Variants in ZBTB20 observed in about 807,000 individuals in gnomAD.
ZBTB20 encodes the protein zinc finger and BTB domain containing 20.
ZBTB20 carries 9 observed loss-of-function variants against 56.9 expected under a neutral mutation model. That is an observed-to-expected ratio of 0.16 (90% CI 0.10 to 0.28). ZBTB20 has a LOEUF of 0.28. Among genes scored for constraint, ZBTB20 ranks in the 10% least tolerant of loss-of-function variants. The pLI is 1.00. For synonymous variants in ZBTB20, 417 were observed against 420.7 expected, an observed-to-expected ratio of 0.99 and a Z score of 0.11; for missense variants, 655 against 1,003.0, an observed-to-expected ratio of 0.65 and a Z score of 4.69.
At chr3:114,509,798 A>C (rs547854512) in intron 6 of ZBTB20, among the ~76,000 whole-genome samples, 4 of 152,254 alleles carry the variant, frequency 2.6e-5, no homozygotes, top group African/African-American at 7.2e-5. Context: ...CCTTGTCAGC[A>C]TATGCTCCAG....
intron 4 of ZBTB20, among the ~76,000 whole-genome samples, chr3:114,899,134 T>G (rs958433144): frequency 6.6e-6 from 1 of 152,192 alleles, no homozygotes; most frequent in Non-Finnish European, 1.5e-5. Context: ...AATTAAAGAA[T>G]AATATTCCAT....
At chr3:114,792,854 C>G (rs989454841) in intron 5 of ZBTB20, among the ~76,000 whole-genome samples, 3 of 147,338 alleles carry the variant, frequency 2.0e-5, no homozygotes, top group African/African-American at 7.5e-5. Flanking sequence ...TTTGAATTTT[C>G]AAAGTTTTTC....
At chr3:114,753,362 A>C (rs1368252582) in intron 5 of ZBTB20, among the ~76,000 whole-genome samples, 1 of 78,080 alleles carries the variant, frequency 1.3e-5, no homozygotes, top group African/African-American at 3.9e-5. Context: ...ATTATATATA[A>C]TGTATATATA....
chr3:114,753,959 A>C lies in ZBTB20; in HGVS notation c.-343+47142T>G, dbSNP rs143545492. ...GGAAACAAAGGGGAAAGGTGTTCCCAAAAGGTTTCCAGGAAAACTTCAATC... is the reference window on the plus strand; with the variant it reads ...GGAAACAAAGGGGAAAGGTGTTCCCCAAAGGTTTCCAGGAAAACTTCAATC... On this transcript the variant is annotated intron_variant, in intron 5 of 11. Coordinates refer to ENST00000675478, the MANE Select transcript of ZBTB20 (RefSeq NM_001348800.3). Among the ~76,000 whole-genome samples, 565 of 152,298 alleles carry C rather than the reference A, an allele frequency of 3.7e-3. 1 individual carries two copies. The highest frequency in any genetic ancestry group is 5.8e-3 in the Non-Finnish European group (397 of 68,010).
chr3:114,886,973 C>T (rs1044249753), intron 4 of ZBTB20, among the ~76,000 whole-genome samples: 1 of 152,112 alleles, frequency 6.6e-6, no homozygotes, highest in Non-Finnish European at 1.5e-5. Flanking sequence ...GCTGGGAAGT[C>T]CAAGGTTGAG....
chr3:114,341,034 A>T (rs2079720383), intron 11 of ZBTB20, among the ~76,000 whole-genome samples: 2 of 152,216 alleles, frequency 1.3e-5, no homozygotes, highest in South Asian at 4.1e-4. Context: ...CTGTATGTTC[A>T]TGATCCATTT....
intron 4 of ZBTB20, among the ~76,000 whole-genome samples, chr3:114,823,742 T>C (rs954734360): frequency 2.6e-5 from 4 of 152,102 alleles, no homozygotes; most frequent in African/African-American, 9.7e-5. Context: ...TTAAGAAATA[T>C]CTGCTGATTT....
rs2078610747 is a variant in ZBTB20 at position 114,314,635 on chromosome 3, A to G, written c.*24370T>C. 3 of 151,930 alleles carry G rather than the reference A, an allele frequency of 2.0e-5. No individual in the cohort carries two copies. Among genetic ancestry groups the G allele is most frequent in the Admixed American group, 6.6e-5 (1 of 15,258 alleles). 9.4% of individuals were successfully genotyped at this position (151,930 alleles called of 1,614,324 possible). ...TAAAAAAAAAACAACAAAAACCCCA[A>G]AAAAACAAACATCATTCTTAGCAAC... On this transcript the variant is annotated 3_prime_UTR_variant, in exon 12 of 12. Coordinates refer to ENST00000675478, the MANE Select transcript of ZBTB20 (RefSeq NM_001348800.3).
intron 4 of ZBTB20, among the ~76,000 whole-genome samples, chr3:114,878,575 TAAAA>T (rs10609736): frequency 4.1e-3 from 567 of 137,592 alleles, no homozygotes; most frequent in Admixed American, 4.3e-3. Flanking sequence ...CTTGGAGAAT[TAAAA>T]AAAAAAAAAA....
At chr3:114,900,125 GAATAA>G (rs1240758737) in intron 4 of ZBTB20, among the ~76,000 whole-genome samples, 174 bp downstream of exon 4, 3 of 151,850 alleles carry the variant, frequency 2.0e-5, no homozygotes, top group Admixed American at 6.6e-5. Flanking sequence ...TCTTACAATA[GAATAA>G]AATAAAATAT....
At chr3:114,816,202 C>T (rs558018112) in intron 4 of ZBTB20, among the ~76,000 whole-genome samples, 22 of 152,200 alleles carry the variant, frequency 1.4e-4, no homozygotes, top group Middle Eastern at 6.8e-3. Flanking sequence ...TTGGTTAATA[C>T]GGAAATACAC....
intron 1 of ZBTB20, among the ~76,000 whole-genome samples, chr3:115,139,459 C>A (rs999989373): frequency 6.6e-6 from 1 of 151,966 alleles, no homozygotes; most frequent in African/African-American, 2.4e-5. Context: ...TCTTTTCTAA[C>A]AGATTCTTTC....
At chr3:114,532,539 G>A (rs937953017) in intron 6 of ZBTB20, among the ~76,000 whole-genome samples, 1 of 152,182 alleles carries the variant, frequency 6.6e-6, no homozygotes, top group East Asian at 1.9e-4. Context: ...GCACCTGGGG[G>A]AAGGGGCAGC....
chr3:114,850,614 C>A (rs2074952304), intron 4 of ZBTB20, among the ~76,000 whole-genome samples: 1 of 152,192 alleles, frequency 6.6e-6, no homozygotes, highest in Admixed American at 6.5e-5. Context: ...CAAGGCCCTG[C>A]ATTATGTAAA....
chr3:115,076,411 T>C (rs970231692), intron 1 of ZBTB20, among the ~76,000 whole-genome samples: 5 of 152,098 alleles, frequency 3.3e-5, no homozygotes, highest in South Asian at 2.1e-4. Flanking sequence ...TACACATAAA[T>C]GGTCAACTAA....
At chr3:115,057,874 A>G (rs933183621) in intron 2 of ZBTB20, among the ~76,000 whole-genome samples, 1 of 152,108 alleles carries the variant, frequency 6.6e-6, no homozygotes, top group Non-Finnish European at 1.5e-5. Context: ...GATATACTCA[A>G]GACTGGGTAA....
At chr3:114,866,285 A>C (rs1272016147) in intron 4 of ZBTB20, among the ~76,000 whole-genome samples, 1 of 152,200 alleles carries the variant, frequency 6.6e-6, no homozygotes, top group East Asian at 1.9e-4. Flanking sequence ...AGATGAAGAA[A>C]CTAAGGTTGA....
intron 2 of ZBTB20, among the ~76,000 whole-genome samples, chr3:115,026,482 T>G (rs1385017853): frequency 6.6e-6 from 1 of 151,040 alleles, no homozygotes; most frequent in Non-Finnish European, 1.5e-5. Context: ...ATAGAGTTAT[T>G]GTGACAATCA....
At chr3:114,990,893 A>C (rs1364876573) in intron 2 of ZBTB20, among the ~76,000 whole-genome samples, 8 of 152,152 alleles carry the variant, frequency 5.3e-5, no homozygotes, top group Admixed American at 5.2e-4. Context: ...TTATTTGCAT[A>C]GAGGTGTTTA....
Sources: allele counts gnomAD v4.1 joint callset (sites outside exome capture counted in the v4.1 genomes callset), GRCh38; gene constraint gnomAD v4.1.1; transcripts MANE v1.5; gene names NCBI Gene and HGNC (gene_info 2026-07-23, HGNC 2026-07-21).